Variants in VWA8 observed in about 807,000 individuals in gnomAD.
VWA8 encodes the protein von Willebrand factor A domain containing 8, also known as von Willebrand factor A domain-containing protein 8.
Under a neutral mutation model 241.5 loss-of-function variants are expected in VWA8, and 221 were observed. The observed-to-expected ratio is 0.91, with a 90% CI of 0.82 to 1.02. VWA8 has a LOEUF of 1.02. VWA8 is among the 50% of genes least tolerant of loss of function. The pLI is 0.00. For synonymous variants in VWA8, 852 were observed against 827.1 expected (o/e 1.03, Z -0.52); for missense variants, 2,322 against 2,328.7 (o/e 1.00, Z 0.06).
intron 37 of VWA8, among the ~76,000 whole-genome samples, chr13:41,640,578 T>C (rs2044789142): frequency 6.6e-6 from 1 of 152,334 alleles, no homozygotes; most frequent in East Asian, 1.9e-4. Context: ...AATTCAGTGA[T>C]TTAAAAATCA....
chr13:41,868,730 G>C (rs1438494320), intron 9 of VWA8, among the ~76,000 whole-genome samples: 3 of 151,040 alleles, frequency 2.0e-5, no homozygotes, highest in African/African-American at 4.9e-5. Flanking sequence ...CTAAAAAATA[G>C]AAAAAAAATT....
At chr13:41,590,618 C>T (rs1566378884) in intron 41 of VWA8, 22 bp downstream of exon 41, 1 of 1,613,230 alleles carries the variant, frequency 6.2e-7, no homozygotes, top group East Asian at 2.2e-5. Context: ...AGAGCTGAGG[C>T]TAGCAGTTCA....
At chr13:41,729,980 C>T (rs916530670) in intron 22 of VWA8, among the ~76,000 whole-genome samples, 5 of 152,024 alleles carry the variant, frequency 3.3e-5, no homozygotes, top group African/African-American at 1.2e-4. Context: ...CCAACAACAT[C>T]TCACACCCAA....
intron 1 of VWA8, among the ~76,000 whole-genome samples, chr13:41,958,295 A>G (rs1266897758): frequency 1.3e-5 from 2 of 152,228 alleles, no homozygotes; most frequent in Non-Finnish European, 2.9e-5. Flanking sequence ...TTCACAAAAT[A>G]AGCCACTGAA....
intron 12 of VWA8, among the ~76,000 whole-genome samples, chr13:41,846,181 G>T (rs1044777681): frequency 6.6e-6 from 1 of 152,076 alleles, no homozygotes; most frequent in African/African-American, 2.4e-5. Context: ...GAATACAGGT[G>T]TGTGCCACTG....
chr13:41,573,956 TAA>T (rs1329061364), intron 43 of VWA8, among the ~76,000 whole-genome samples: 1 of 152,120 alleles, frequency 6.6e-6, no homozygotes, highest in African/African-American at 2.4e-5. Flanking sequence ...TTAAAATAAC[TAA>T]AAGAGTTCAA....
chr13:41,686,748 C>A (rs574531576), intron 34 of VWA8, among the ~76,000 whole-genome samples: 1 of 152,140 alleles, frequency 6.6e-6, no homozygotes, highest in South Asian at 2.1e-4. Flanking sequence ...GTATGTGACC[C>A]ATCTCCCATC....
rs559593423 is a variant in VWA8 at position 41,596,852 on chromosome 13, GAATA to G, written c.4987-6091_4987-6088del. 5.6e-4 allele frequency among the ~76,000 whole-genome samples: 83 copies of G among 148,326 alleles called. 1 individual carries two copies. In the South Asian group the frequency reaches 0.011, roughly 20 times the overall value. ...ACACACATCTGTAGCACTAAAGACA[GAATA>G]AATAAACTTGACAAAAACCAATCAT... On this transcript the variant is annotated intron_variant, in intron 40 of 44. Transcript: ENST00000379310.
intron 37 of VWA8, among the ~76,000 whole-genome samples, chr13:41,624,487 G>C (rs2044676075): frequency 6.6e-6 from 1 of 152,108 alleles, no homozygotes; most frequent in African/African-American, 2.4e-5. Flanking sequence ...CAATCAAGTA[G>C]GCTTTAATAT....
intron 37 of VWA8, among the ~76,000 whole-genome samples, chr13:41,664,232 T>G (rs775287102): frequency 2.0e-5 from 3 of 152,034 alleles, no homozygotes; most frequent in Non-Finnish European, 4.4e-5. Context: ...CCTCTTTGAT[T>G]TTCTCTTTAG....
intron 19 of VWA8, among the ~76,000 whole-genome samples, chr13:41,778,699 A>G (rs1324578551): frequency 6.6e-6 from 1 of 152,034 alleles, no homozygotes; most frequent in East Asian, 1.9e-4. Context: ...TAATATTCCT[A>G]TTACTTTCTC....
At chr13:41,783,469 C>T (rs925986903) in intron 19 of VWA8, among the ~76,000 whole-genome samples, 6 of 151,708 alleles carry the variant, frequency 4.0e-5, no homozygotes, top group Non-Finnish European at 7.4e-5. Context: ...GAAACCCTGT[C>T]TCTACTGAAA....
intron 20 of VWA8, among the ~76,000 whole-genome samples, chr13:41,762,316 T>A (rs542398086): frequency 3.9e-4 from 59 of 152,220 alleles, no homozygotes; most frequent in African/African-American, 1.4e-3. Flanking sequence ...AACAGTCCCA[T>A]GAGGTAGGCA....
intron 1 of VWA8, among the ~76,000 whole-genome samples, chr13:41,956,115 C>T (rs1490775880): frequency 1.3e-5 from 2 of 152,152 alleles, no homozygotes; most frequent in Admixed American, 1.3e-4. Flanking sequence ...TTTTCAACAG[C>T]GGCCCTATGA....
chr13:41,943,252 T>A (rs2138154890), intron 2 of VWA8, among the ~76,000 whole-genome samples: 1 of 152,212 alleles, frequency 6.6e-6, no homozygotes, highest in African/African-American at 2.4e-5. Flanking sequence ...CAAATACAAA[T>A]TTCCAGTATC....
chr13:41,620,682 A>G (rs1417534288), intron 37 of VWA8, among the ~76,000 whole-genome samples: 3 of 152,216 alleles, frequency 2.0e-5, no homozygotes, highest in East Asian at 1.9e-4. Context: ...CACAGCCCCA[A>G]GGACTTCTGG....
chr13:41,857,240 T>G (rs563297055), intron 12 of VWA8, among the ~76,000 whole-genome samples: 4 of 152,332 alleles, frequency 2.6e-5, no homozygotes, highest in African/African-American at 9.6e-5. Flanking sequence ...CTAGTTTTAC[T>G]TATTTCATTA....
At chr13:41,711,186 T>C (rs181020311) in intron 26 of VWA8, among the ~76,000 whole-genome samples, 127 of 152,332 alleles carry the variant, frequency 8.3e-4, no homozygotes, top group African/African-American at 3.0e-3. Context: ...ACATCTCTGA[T>C]ATAAGGGAAG....
At chr13:41,748,608 GCTCTGAT>G (rs2045628853) in intron 21 of VWA8, among the ~76,000 whole-genome samples, 1 of 151,906 alleles carries the variant, frequency 6.6e-6, no homozygotes, top group African/African-American at 2.4e-5. Context: ...CTTCAGTTCT[GCTCTGAT>G]CTTAGTTATT....
Sources: allele counts gnomAD v4.1 joint callset (sites outside exome capture counted in the v4.1 genomes callset), GRCh38; gene constraint gnomAD v4.1.1; transcripts MANE v1.5; gene names NCBI Gene and HGNC (gene_info 2026-07-23, HGNC 2026-07-21).